Variants in AGO1 observed in about 807,000 individuals in gnomAD.
The protein encoded by AGO1 is protein argonaute-1.
A neutral mutation model predicts 109.2 loss-of-function variants in AGO1; 11 were observed. The observed-to-expected ratio is 0.10, with a 90% CI of 0.06 to 0.17. AGO1 has a LOEUF of 0.17. Ranked by LOEUF, AGO1 falls within the 10% of genes least tolerant of loss-of-function variation. AGO1 has a pLI of 1.00. For missense variants in AGO1, 574 were observed against 1,140.3 expected (o/e 0.50, Z 7.15); for synonymous variants, 422 against 418.6 (o/e 1.01, Z -0.10).
chr1:35,888,388 T>C lies in AGO1; in HGVS notation c.26-39T>C. ...TCCTCTGATAAGAGTAGTTAGGAGA[T>C]TGCCAGACTTTACCCTCACCAGCCT... On this transcript the variant is annotated intron_variant, in intron 1 of 18. Coordinates refer to ENST00000373204, the MANE Select transcript of AGO1 (RefSeq NM_012199.5). The surrounding 1 kb of genome is among the most constrained non-coding windows in gnomAD (Gnocchi z 4.1). 2 of 1,604,582 alleles carry C rather than the reference T, an allele frequency of 1.2e-6. No individual in the cohort carries two copies. The highest frequency in any genetic ancestry group is 1.7e-6 in the Non-Finnish European group (2 of 1,174,212).
Position 35,893,502 on chromosome 1 carries a change from C to G in AGO1, c.513-172C>G. ...CCTCATCCCATCTGTCCCTGCAGGG[C>G]AGAGAGAAGGTAGAAACTTGTACAA... On this transcript the variant is annotated intron_variant, in intron 4 of 18. Coordinates refer to ENST00000373204, the MANE Select transcript of AGO1 (RefSeq NM_012199.5). The surrounding 1 kb of genome is among the most constrained non-coding windows in gnomAD (Gnocchi z 5.6). 1 of 837,700 alleles carries G rather than the reference C, an allele frequency of 1.2e-6. No homozygotes were observed. Among genetic ancestry groups the G allele is most frequent in the South Asian group, 1.8e-5 (1 of 54,428 alleles). 51.9% of individuals were successfully genotyped at this position (837,700 alleles called of 1,614,324 possible).
chr1:35,873,849 C>T (rs1644972584), intron 1 of AGO1: 3 of 152,360 alleles, frequency 2.0e-5, no homozygotes, highest in African/African-American at 7.2e-5. Context: ...ATCAAATACG[C>T]ATACCTTGTT....
In AGO1 at chr1:35,926,215, T is replaced by C. The variant is rs1645924190; in HGVS notation, c.*6608T>C. 6.6e-6 allele frequency: 1 copy of C among 152,170 alleles called. No individual in the cohort carries two copies. Among genetic ancestry groups the C allele is most frequent in the African/African-American group, 2.4e-5 (1 of 41,424 alleles). 9.4% of individuals were successfully genotyped at this position (152,170 alleles called of 1,614,324 possible). On this transcript the variant is annotated 3_prime_UTR_variant, in exon 19 of 19. Transcript: ENST00000373204. ...TATAAACTTTAGTTTTAGAAAAGAT[T>C]GATATTGAAAAGCCTTCAGGATTTG...
intron 1 of AGO1, among the ~76,000 whole-genome samples, chr1:35,884,368 C>A (rs926143418): frequency 2.0e-5 from 3 of 152,082 alleles, no homozygotes; most frequent in Non-Finnish European, 4.4e-5. Flanking sequence ...ACGGAGGAAT[C>A]AAGGACAGGG....
intron 8 of AGO1, among the ~76,000 whole-genome samples, chr1:35,898,195 C>T (rs1451855213): frequency 6.6e-6 from 1 of 151,420 alleles, no homozygotes; most frequent in African/African-American, 2.4e-5. Flanking sequence ...TTTGTGTGAA[C>T]ATAAGTTTTT....
At chr1:35,897,886 G>A (rs538240964) in intron 8 of AGO1, among the ~76,000 whole-genome samples, 48 of 152,300 alleles carry the variant, frequency 3.2e-4, no homozygotes, top group African/African-American at 9.1e-4. Flanking sequence ...AAGAAAGCCT[G>A]TATTCATTAG....
intron 12 of AGO1, among the ~76,000 whole-genome samples, chr1:35,912,294 G>A (rs1005312857): frequency 6.8e-6 from 1 of 147,282 alleles, no homozygotes; most frequent in African/African-American, 2.5e-5. Context: ...GGGAGGCGGA[G>A]CTTGCAGTGA....
Position 35,918,260 on chromosome 1 carries a change from G to A in AGO1, c.2164-62G>A, listed in dbSNP as rs548416622. On this transcript the variant is annotated intron_variant, in intron 16 of 18. Transcript: ENST00000373204. ...TTTGGTGAAATCAGAGTAGAATTGA[G>A]CCAGGGTCCTGGTTAGGGCCAGGCA... 285 of 1,326,972 alleles carry A rather than the reference G, an allele frequency of 2.1e-4. 1 individual carries two copies. Among genetic ancestry groups the A allele is most frequent in the South Asian group, 2.0e-3 (170 of 85,286 alleles). The allele number at this position is 1,326,972 out of a possible 1,614,324, so 82.2% of individuals were successfully genotyped here.
Position 35,883,750 on chromosome 1 carries a change from G to A in AGO1, c.25+304G>A, listed in dbSNP as rs1189639534. On this transcript the variant is annotated intron_variant, in intron 1 of 18. Coordinates refer to ENST00000373204, the MANE Select transcript of AGO1 (RefSeq NM_012199.5). The surrounding 1 kb of genome is among the most constrained non-coding windows in gnomAD (Gnocchi z 5.4). ...TCCGTGGAGGCCTACGGAGAGGCCC[G>A]GCAGGTGGCAGGGGACGGGCTCCAG... 6.6e-6 allele frequency among the ~76,000 whole-genome samples: 1 copy of A among 152,222 alleles called. No homozygotes were observed. Among genetic ancestry groups the A allele is most frequent in the Non-Finnish European group, 1.5e-5 (1 of 68,036 alleles).
chr1:35,918,997 C>T (rs1179449266), intron 17 of AGO1, 58 bp from the exon 18 acceptor site: 1 of 1,473,616 alleles, frequency 6.8e-7, no homozygotes, highest in African/African-American at 1.4e-5. Flanking sequence ...TCCTGTTCCC[C>T]TATTATCAGC....
At chr1:35,883,162 T>G, upstream of AGO1, 1 of 1,139,402 alleles carries the variant, frequency 8.8e-7, no homozygotes, top group Middle Eastern at 3.7e-4. This position sits in a 1 kb window ranked among gnomAD's most constrained non-coding sequence, Gnocchi z 5.4. Context: ...AGCGCCCCGC[T>G]TGACTCGTTC....
At chr1:35,876,502 G>A (rs537314826) in intron 1 of AGO1, among the ~76,000 whole-genome samples, 13 of 152,194 alleles carry the variant, frequency 8.5e-5, no homozygotes, top group African/African-American at 2.2e-4. Flanking sequence ...TCCAGACTTC[G>A]TGATCCGCCC....
chr1:35,894,075 G>A lies in AGO1; in HGVS notation c.688G>A (p.Glu230Lys). The A allele has an allele frequency of 6.3e-7, 1 of 1,578,666 alleles. No individual in the cohort carries two copies. The highest frequency in any genetic ancestry group is 8.6e-7 in the Non-Finnish European group (1 of 1,164,076). ...TAFYKAQPVI[E>K]FMCEVLDIRN... Reference sequence around the variant, plus strand: ...CTTTTATAAGGCACAGCCAGTGATTGAGTTCATGTGTGAGGTGCTGGACAT... The same window carrying A: ...CTTTTATAAGGCACAGCCAGTGATTAAGTTCATGTGTGAGGTGCTGGACAT... Residue 230 changes from glutamate (E) to lysine (K), a missense_variant, in exon 6 of 19, where the codon GAG becomes AAG. Physicochemically the swap from Glu to Lys is moderately conservative, Grantham distance 56. This residue lies in a region of AGO1 where 129 missense variants were observed against 243.0 expected (regional missense o/e 0.53). Transcript: ENST00000373204.
chr1:35,905,869 G>A (rs1557615023), intron 11 of AGO1, among the ~76,000 whole-genome samples: 1 of 152,084 alleles, frequency 6.6e-6, no homozygotes, highest in African/African-American at 2.4e-5. Context: ...TTGCATAATA[G>A]TATCAGACTG....
At chr1:35,917,470 C>A in intron 15 of AGO1, 123 bp from the exon 16 acceptor site, 1 of 1,094,072 alleles carries the variant, frequency 9.1e-7, no homozygotes. Flanking sequence ...TGAGCATCAG[C>A]ATATAAAGGG....
At chr1:35,905,090 T>C (rs1309403482) in intron 11 of AGO1, among the ~76,000 whole-genome samples, 1 of 152,234 alleles carries the variant, frequency 6.6e-6, no homozygotes, top group Non-Finnish European at 1.5e-5. Context: ...CACAATACTT[T>C]GTGGCCCCCA....
chr1:35,883,102 T>G, upstream of AGO1: 1 of 1,069,750 alleles, frequency 9.3e-7, no homozygotes, highest in Non-Finnish European at 1.1e-6. The surrounding 1 kb of genome is among the most constrained non-coding windows in gnomAD (Gnocchi z 5.4). Context: ...GGCCGCTGCC[T>G]TGGGTCCCCG....
intron 8 of AGO1, 114 bp downstream of exon 8, chr1:35,895,383 T>G (rs1645299725): frequency 1.6e-6 from 2 of 1,223,422 alleles, no homozygotes; most frequent in Non-Finnish European, 2.2e-6. Context: ...TGAGAAGGTA[T>G]GAGGTAGTTC....
chr1:35,893,559 C>G lies in AGO1; in HGVS notation c.513-115C>G. The stretch of plus-strand genomic sequence containing the variant: ...TCATACAACTAGTAAAGCATCAGAG[C>G]TGGCATTAAAGCCCCGGTGTCCTGC... On this transcript the variant is annotated intron_variant, in intron 4 of 18. Coordinates refer to ENST00000373204, the MANE Select transcript of AGO1 (RefSeq NM_012199.5). The surrounding 1 kb of genome is among the most constrained non-coding windows in gnomAD (Gnocchi z 5.6). 1 of 1,114,726 alleles carries G rather than the reference C, an allele frequency of 9.0e-7. No homozygotes were observed. The highest frequency in any genetic ancestry group is 1.3e-6 in the Non-Finnish European group (1 of 799,682). The allele number at this position is 1,114,726 out of a possible 1,614,324, so 69.1% of individuals were successfully genotyped here.
Sources: gnomAD v4.1 joint callset for allele counts (sites outside exome capture counted in the v4.1 genomes callset) on GRCh38, gnomAD v4.1.1 for gene constraint, gnomAD v4.1.1 regional missense constraint, Gnocchi (gnomAD v3.1) non-coding constraint, MANE v1.5 for transcripts, NCBI Gene and HGNC (gene_info 2026-07-23, HGNC 2026-07-21) for gene names.